The following SLC35F1 variants were observed in gnomAD, a reference collection of about 807,000 sequenced individuals.
The protein encoded by SLC35F1 is chromosome 6 open reading frame 169.
In SLC35F1, 14 loss-of-function variants were observed where a neutral mutation model predicts 48.7. The observed-to-expected ratio is 0.29, with a 90% confidence interval of 0.19 to 0.45. SLC35F1 has a LOEUF of 0.45. Among genes scored for constraint, SLC35F1 ranks in the 20% least tolerant of loss-of-function variants. SLC35F1 has a pLI of 1.00. For synonymous variants in SLC35F1, 190 were observed against 202.2 expected, an observed-to-expected ratio of 0.94 and a Z score of 0.51; for missense variants, 404 against 500.0, an observed-to-expected ratio of 0.81 and a Z score of 1.83.
intron 2 of SLC35F1, among the ~76,000 whole-genome samples, chr6:118,215,365 T>A (rs972900065): frequency 6.6e-6 from 1 of 152,088 alleles, no homozygotes; most frequent in Non-Finnish European, 1.5e-5. Flanking sequence ...TTTTTGAAAC[T>A]TTTCAAAAAT....
In SLC35F1 at chr6:118,233,788, A is replaced by G. The variant is rs567780325; in HGVS notation, c.350-1721A>G. On this transcript the variant is annotated intron_variant, in intron 2 of 7. Coordinates refer to ENST00000360388, the MANE Select transcript of SLC35F1 (RefSeq NM_001029858.4). ...CCAGAGAAGGGCTACATTTTGAAAA[A>G]TGAATAGGAGTTTGCAAGATGGGGA... 7.9e-5 allele frequency among the ~76,000 whole-genome samples: 12 copies of G among 152,330 alleles called. No homozygotes were observed. In the South Asian group the frequency reaches 2.5e-3, roughly 32 times the overall value.
chr6:117,938,052 A>G (rs2114817313), intron 1 of SLC35F1, among the ~76,000 whole-genome samples: 1 of 152,322 alleles, frequency 6.6e-6, no homozygotes, highest in African/African-American at 2.4e-5. Context: ...AAATGACATC[A>G]AAACTAAATA....
intron 7 of SLC35F1, among the ~76,000 whole-genome samples, chr6:118,294,174 C>T (rs1039529945): frequency 6.6e-6 from 1 of 152,154 alleles, no homozygotes; most frequent in Non-Finnish European, 1.5e-5. Context: ...GATTTTGTAA[C>T]TAGATGTACT....
In SLC35F1 at chr6:118,066,789, A is replaced by C. The variant is rs181596118; in HGVS notation, c.174-87656A>C. On this transcript the variant is annotated intron_variant, in intron 1 of 7. Coordinates refer to ENST00000360388, the MANE Select transcript of SLC35F1 (RefSeq NM_001029858.4). ...GAGACAGAGTCTCGCTCTGTCACCC[A>C]GGCTGGAATGCAATGGCGCGATCTC... Among the ~76,000 whole-genome samples, 237 of 136,786 alleles carry C rather than the reference A, an allele frequency of 1.7e-3. 2 individuals carry two copies. The highest frequency in any genetic ancestry group is 6.2e-3 in the African/African-American group (226 of 36,328). The allele number at this position is 136,786 out of a possible 152,430, so 89.7% of individuals were successfully genotyped here.
chr6:117,915,878 C>T (rs543103354), intron 1 of SLC35F1, among the ~76,000 whole-genome samples: 12 of 152,186 alleles, frequency 7.9e-5, no homozygotes, highest in South Asian at 2.1e-4. Flanking sequence ...GCAGCCAGGA[C>T]GGAGAGGGAA....
At chr6:117,972,417 T>C (rs1442952035) in intron 1 of SLC35F1, among the ~76,000 whole-genome samples, 1 of 152,254 alleles carries the variant, frequency 6.6e-6, no homozygotes, top group Non-Finnish European at 1.5e-5. Flanking sequence ...TTCTGCATTT[T>C]TGGGTATGTT....
At chr6:118,117,675 A>G (rs1242001511) in intron 1 of SLC35F1, among the ~76,000 whole-genome samples, 1 of 152,170 alleles carries the variant, frequency 6.6e-6, no homozygotes, top group Non-Finnish European at 1.5e-5. Context: ...AACCACCACC[A>G]AAACCCAGAT....
At chr6:117,966,824 C>G (rs1776577281) in intron 1 of SLC35F1, among the ~76,000 whole-genome samples, 1 of 152,168 alleles carries the variant, frequency 6.6e-6, no homozygotes, top group Non-Finnish European at 1.5e-5. Context: ...ACTCCATTAC[C>G]TCTTTAAATA....
At chr6:118,120,167 CT>C (rs990763625) in intron 1 of SLC35F1, among the ~76,000 whole-genome samples, 10 of 151,578 alleles carry the variant, frequency 6.6e-5, no homozygotes, top group African/African-American at 1.2e-4. Context: ...CAGAGAAAAA[CT>C]TTTTTTTTAA....
intron 1 of SLC35F1, among the ~76,000 whole-genome samples, chr6:117,954,401 A>G (rs371189660): frequency 1.6e-4 from 25 of 152,144 alleles, no homozygotes; most frequent in African/African-American, 5.5e-4. Context: ...GATTACAGGC[A>G]CCCGCCACCA....
chr6:117,923,866 A>G (rs1176537421), intron 1 of SLC35F1, among the ~76,000 whole-genome samples: 1 of 142,102 alleles, frequency 7.0e-6, no homozygotes, highest in Non-Finnish European at 1.5e-5. Context: ...ATATGTGTGT[A>G]CATATATACA....
At chr6:118,244,651 C>A (rs1775484624) in intron 3 of SLC35F1, among the ~76,000 whole-genome samples, 1 of 152,216 alleles carries the variant, frequency 6.6e-6, no homozygotes, top group South Asian at 2.1e-4. Flanking sequence ...ATTTCTTCAT[C>A]TTCAGTTTTC....
chr6:118,080,889 A>C (rs1431713576), intron 1 of SLC35F1, among the ~76,000 whole-genome samples: 1 of 152,218 alleles, frequency 6.6e-6, no homozygotes, highest in East Asian at 1.9e-4. Flanking sequence ...TGAAGAAATC[A>C]GCAGCCTACT....
At chr6:118,129,920 G>A (rs1582682256) in intron 1 of SLC35F1, among the ~76,000 whole-genome samples, 2 of 152,124 alleles carry the variant, frequency 1.3e-5, no homozygotes, top group South Asian at 2.1e-4. Flanking sequence ...GAGAACACTG[G>A]GTAAGTGTCA....
At chr6:117,963,368 A>G (rs1203491730) in intron 1 of SLC35F1, among the ~76,000 whole-genome samples, 3 of 148,850 alleles carry the variant, frequency 2.0e-5, no homozygotes, top group Non-Finnish European at 3.0e-5. Flanking sequence ...TTGGCTGCAT[A>G]TCACTTTTAG....
At chr6:117,999,450 T>A in intron 1 of SLC35F1, 1 of 1,577,636 alleles carries the variant, frequency 6.3e-7, no homozygotes, top group Non-Finnish European at 8.6e-7. Flanking sequence ...TCAGAGTAGA[T>A]ATCTCTGCCA....
intron 6 of SLC35F1, among the ~76,000 whole-genome samples, chr6:118,280,744 G>C (rs1156467395): frequency 6.6e-6 from 1 of 151,884 alleles, no homozygotes; most frequent in Admixed American, 6.6e-5. Context: ...TGGGTGTGGT[G>C]GTGCATGCCT....
rs533810775 is a variant in SLC35F1, at chr6:117,981,337, A to G, written c.173+73438A>G. ...CCAAATATAGCTGATGGCTGAAGCTATGGTACTGGAGGAGGCCATCCAGGG... is the reference window on the plus strand; with the variant it reads ...CCAAATATAGCTGATGGCTGAAGCTGTGGTACTGGAGGAGGCCATCCAGGG... On this transcript the variant is annotated intron_variant, in intron 1 of 7. Transcript: ENST00000360388. 3.9e-5 allele frequency among the ~76,000 whole-genome samples: 6 copies of G among 152,266 alleles called. No individual in the cohort carries two copies. In the South Asian group the frequency reaches 6.2e-4, roughly 16 times the overall value.
intron 1 of SLC35F1, among the ~76,000 whole-genome samples, chr6:117,935,786 T>C (rs781767601): frequency 6.6e-6 from 1 of 152,206 alleles, no homozygotes; most frequent in African/African-American, 2.4e-5. Flanking sequence ...TTATTTGACC[T>C]CAGCTAGGAA....
Sources: allele counts gnomAD v4.1 joint callset (sites outside exome capture counted in the v4.1 genomes callset), GRCh38; gene constraint gnomAD v4.1.1; transcripts MANE v1.5; gene names NCBI Gene and HGNC (gene_info 2026-07-23, HGNC 2026-07-21).